Variants in NUDCD3 observed in about 807,000 individuals in gnomAD.
The protein encoded by NUDCD3 is NudC domain containing 3.
Under a neutral mutation model 39.7 loss-of-function variants are expected in NUDCD3, and 13 were observed. That is an observed-to-expected ratio of 0.33 (90% CI 0.21 to 0.52). The LOEUF is 0.52. NUDCD3 is among the 20% of genes least tolerant of loss of function. The pLI, the probability that NUDCD3 is intolerant of heterozygous loss-of-function variation, is 0.96. For synonymous variants in NUDCD3, 175 were observed against 172.4 expected, an observed-to-expected ratio of 1.02 and a Z score of -0.12; for missense variants, 453 against 458.1, an observed-to-expected ratio of 0.99 and a Z score of 0.10.
rs899785127 is a variant in NUDCD3 at position 44,490,356 on chromosome 7, T to C, written c.192+53A>G. ...AGCTTGGAGGAGCGGGCGCCAGGAG[T>C]CAGGGCAGGCCGGGGGCGGCGGCTC... On this transcript the variant is annotated intron_variant, in intron 1 of 5. Coordinates refer to ENST00000355451, the MANE Select transcript of NUDCD3 (RefSeq NM_015332.4). The C allele has an allele frequency of 1.3e-5, 19 of 1,452,320 alleles. No homozygotes were observed. The African/African-American group carries it at 2.2e-4, about 17-fold the overall frequency. 90.0% of individuals were successfully genotyped at this position (1,452,320 alleles called of 1,614,324 possible).
chr7:44,426,780 A>G (rs1390167737), intron 3 of NUDCD3, among the ~76,000 whole-genome samples: 1 of 146,854 alleles, frequency 6.8e-6, no homozygotes, highest in African/African-American at 2.5e-5. Context: ...TGGGCGACAG[A>G]GCGAGACTCC....
chr7:44,437,292 A>G (rs891322364), intron 2 of NUDCD3, among the ~76,000 whole-genome samples: 2 of 151,174 alleles, frequency 1.3e-5, no homozygotes, highest in Non-Finnish European at 3.0e-5. Flanking sequence ...CTGGTCTCAA[A>G]CTTCTGACCT....
rs900562529 is a variant in NUDCD3, at chr7:44,485,201, T to C, written c.276A>G (p.Glu92=). The C allele has an allele frequency of 5.6e-6, 9 of 1,614,208 alleles. No homozygotes were observed. Among genetic ancestry groups the C allele is most frequent in the Non-Finnish European group, 6.8e-6 (8 of 1,180,026 alleles). Residue 92 remains glutamate, a synonymous_variant, in exon 2 of 6, where the codon GAA becomes GAG. Transcript: ENST00000355451. ...QELEEKIRRK[E]EEEAKTVSAA... is the part of the protein sequence containing the mutation. ...CTGACACAGTCTTGGCCTCTTCCTC[T>C]TCCTTTCTTCTGATTTTCTCTTCAA...
intron 4 of NUDCD3, among the ~76,000 whole-genome samples, chr7:44,398,093 G>A (rs965044492): frequency 9.9e-5 from 15 of 152,086 alleles, no homozygotes; most frequent in African/African-American, 3.4e-4. Context: ...TTATTGACTT[G>A]CAAACTCTCC....
intron 2 of NUDCD3, among the ~76,000 whole-genome samples, chr7:44,470,053 C>CTT (rs1758885681): frequency 6.6e-6 from 1 of 152,178 alleles, no homozygotes; most frequent in Non-Finnish European, 1.5e-5. Flanking sequence ...GGTAATCCCT[C>CTT]ATTATAAAAG....
intron 3 of NUDCD3, 84 bp from the exon 4 acceptor site, chr7:44,404,667 A>G: frequency 2.0e-6 from 3 of 1,477,848 alleles, no homozygotes; most frequent in Non-Finnish European, 2.8e-6. Flanking sequence ...ATGGTTTCCA[A>G]GGTACCTGAC....
intron 2 of NUDCD3, among the ~76,000 whole-genome samples, chr7:44,430,570 TCACACACACA>T (rs58853542): frequency 1.7e-4 from 21 of 125,836 alleles, no homozygotes; most frequent in South Asian, 5.2e-4. Flanking sequence ...ACACACACAC[TCACACACACA>T]CACACACACA....
At chr7:44,460,436 C>T (rs1799983803) in intron 2 of NUDCD3, among the ~76,000 whole-genome samples, 1 of 152,144 alleles carries the variant, frequency 6.6e-6, no homozygotes, top group South Asian at 2.1e-4. Context: ...CATATAAGGC[C>T]ATTATGAACA....
chr7:44,383,989 GATATTGGTTTGCTGTTT>G lies in NUDCD3; in HGVS notation c.*2005_*2021del, dbSNP rs1798354912. Reference sequence around the variant, plus strand: ...TACTATCCCTCAGTCATTCTTCCTAGATATTGGTTTGCTGTTTATTAAAGCAGGGCAGGGAGTGGGGA... The same window carrying G: ...TACTATCCCTCAGTCATTCTTCCTAGATTAAAGCAGGGCAGGGAGTGGGGA... On this transcript the variant is annotated 3_prime_UTR_variant, in exon 6 of 6. Transcript: ENST00000355451. 1 of 152,266 alleles carries G rather than the reference GATATTGGTTTGCTGTTT, an allele frequency of 6.6e-6. No individual in the cohort carries two copies. The highest frequency in any genetic ancestry group is 1.5e-5 in the Non-Finnish European group (1 of 68,070). The allele number at this position is 152,266 out of a possible 1,614,324, so 9.4% of individuals were successfully genotyped here. A position where few individuals can be genotyped will look rare whatever the true frequency, so the allele number is the denominator to read the frequency against.
At chr7:44,409,707 T>C (rs1354023484) in intron 3 of NUDCD3, among the ~76,000 whole-genome samples, 3 of 152,172 alleles carry the variant, frequency 2.0e-5, no homozygotes, top group Admixed American at 1.3e-4. Context: ...CTATTTTAAA[T>C]ATGCTCAAAG....
At chr7:44,410,387 G>C (rs759972734) in intron 3 of NUDCD3, among the ~76,000 whole-genome samples, 2 of 152,224 alleles carry the variant, frequency 1.3e-5, no homozygotes, top group Non-Finnish European at 2.9e-5. Flanking sequence ...AAACAGCCAG[G>C]CACAGTGGCT....
intron 3 of NUDCD3, among the ~76,000 whole-genome samples, chr7:44,422,503 A>G (rs1388443863): frequency 6.6e-6 from 1 of 152,234 alleles, no homozygotes; most frequent in Admixed American, 6.5e-5. Flanking sequence ...AGAATACTAT[A>G]AACACCTCTA....
intron 2 of NUDCD3, among the ~76,000 whole-genome samples, chr7:44,479,309 G>A (rs1007487776): frequency 2.0e-5 from 3 of 152,128 alleles, no homozygotes; most frequent in Non-Finnish European, 4.4e-5. Flanking sequence ...TAAAAGGAAT[G>A]AATTGTATTG....
At chr7:44,393,670 C>G (rs1052683068) in intron 4 of NUDCD3, among the ~76,000 whole-genome samples, 3 of 152,212 alleles carry the variant, frequency 2.0e-5, no homozygotes, top group African/African-American at 7.2e-5. Flanking sequence ...GAGGTACATT[C>G]ACATGCCCAA....
chr7:44,450,952 T>C (rs910508835), intron 2 of NUDCD3, among the ~76,000 whole-genome samples: 3 of 152,198 alleles, frequency 2.0e-5, no homozygotes, highest in Non-Finnish European at 4.4e-5. Flanking sequence ...ATTATTCATA[T>C]ACATAACACG....
chr7:44,431,567 G>A (rs1308043919), intron 2 of NUDCD3, among the ~76,000 whole-genome samples: 2 of 151,980 alleles, frequency 1.3e-5, no homozygotes, highest in Non-Finnish European at 2.9e-5. Context: ...GAGTAGGTGA[G>A]GTTTCTGACC....
chr7:44,456,372 A>G (rs1217975615), intron 2 of NUDCD3, among the ~76,000 whole-genome samples: 1 of 152,246 alleles, frequency 6.6e-6, no homozygotes, highest in Non-Finnish European at 1.5e-5. Context: ...ATGAATCTTC[A>G]GCTTTAAAGG....
At chr7:44,488,264 G>A (rs912732023) in intron 1 of NUDCD3, among the ~76,000 whole-genome samples, 15 of 150,916 alleles carry the variant, frequency 9.9e-5, no homozygotes, top group African/African-American at 3.4e-4. Flanking sequence ...GAACCCAGGA[G>A]GCGGAGGTTG....
chr7:44,441,553 C>T (rs1353972960), intron 2 of NUDCD3, among the ~76,000 whole-genome samples: 1 of 152,122 alleles, frequency 6.6e-6, no homozygotes, highest in African/African-American at 2.4e-5. Flanking sequence ...CATGTCTACC[C>T]GCCCTGCCCA....
Sources: gnomAD v4.1 joint callset for allele counts (sites outside exome capture counted in the v4.1 genomes callset) on GRCh38, gnomAD v4.1.1 for gene constraint, MANE v1.5 for transcripts, NCBI Gene and HGNC (gene_info 2026-07-23, HGNC 2026-07-21) for gene names.